Variants in SETBP1 observed in about 807,000 individuals in gnomAD.
SETBP1 encodes the protein SET binding protein 1, also known as SET-binding protein.
A neutral mutation model predicts 101.0 loss-of-function variants in SETBP1; 9 were observed. The ratio of observed to expected loss-of-function variants is 0.09; its 90% CI spans 0.05 to 0.16. The LOEUF is 0.16. Among genes scored for constraint, SETBP1 ranks in the 10% least tolerant of loss-of-function variants. The pLI is 1.00. For synonymous variants in SETBP1, 818 were observed against 788.5 expected (o/e 1.04, Z -0.63); for missense variants, 1,858 against 2,033.8 (o/e 0.91, Z 1.66).
chr18:44,751,398 T>C (rs1487624139), intron 2 of SETBP1, among the ~76,000 whole-genome samples: 3 of 152,212 alleles, frequency 2.0e-5, no homozygotes, highest in Non-Finnish European at 4.4e-5. Context: ...TGAGAGAGGT[T>C]ATCAGATCAG....
intron 2 of SETBP1, among the ~76,000 whole-genome samples, chr18:44,842,945 T>TG (rs533879723): frequency 1.3e-3 from 199 of 152,244 alleles, no homozygotes; most frequent in Non-Finnish European, 1.7e-3. Context: ...GGCAGAGCCA[T>TG]GGGGGGACTC....
intron 2 of SETBP1, among the ~76,000 whole-genome samples, chr18:44,805,423 T>G (rs2071708535): frequency 6.6e-6 from 1 of 151,820 alleles, no homozygotes; most frequent in Admixed American, 6.6e-5. Flanking sequence ...TGTGTGTGTG[T>G]GTGTGTGTGT....
chr18:44,979,822 T>G (rs565303775), intron 4 of SETBP1, among the ~76,000 whole-genome samples: 1 of 152,378 alleles, frequency 6.6e-6, no homozygotes, highest in East Asian at 1.9e-4. Context: ...TTGCACATAT[T>G]GGCTCACAGA....
At chr18:45,031,195 C>T (rs906875388) in intron 4 of SETBP1, among the ~76,000 whole-genome samples, 2 of 152,104 alleles carry the variant, frequency 1.3e-5, no homozygotes, top group Admixed American at 6.6e-5. Context: ...TGCGTTCTTT[C>T]ATTTGAATGG....
intron 3 of SETBP1, among the ~76,000 whole-genome samples, chr18:44,907,569 C>T (rs562377685): frequency 1.7e-4 from 26 of 152,276 alleles, no homozygotes; most frequent in Non-Finnish European, 3.5e-4. Flanking sequence ...GAAGTGGCAT[C>T]GCATTGTGAT....
intron 4 of SETBP1, among the ~76,000 whole-genome samples, chr18:44,993,320 G>A (rs961219024): frequency 6.6e-6 from 1 of 151,860 alleles, no homozygotes; most frequent in East Asian, 1.9e-4. Context: ...GCTAAGGAAA[G>A]TAAAACAAAT....
At chr18:44,772,683 C>A (rs2078117336) in intron 2 of SETBP1, among the ~76,000 whole-genome samples, 1 of 152,324 alleles carries the variant, frequency 6.6e-6, no homozygotes, top group Admixed American at 6.5e-5. Flanking sequence ...TGGTTTGAAT[C>A]CAGCTCCACT....
chr18:44,877,058 C>G, intron 3 of SETBP1: 2 of 1,072,852 alleles, frequency 1.9e-6, no homozygotes. Context: ...CATGCCTTTA[C>G]TCTCTAGGCC....
intron 4 of SETBP1, among the ~76,000 whole-genome samples, chr18:44,957,330 G>A (rs1029839031): frequency 9.9e-5 from 15 of 151,830 alleles, no homozygotes; most frequent in Admixed American, 6.6e-5. Context: ...CTAAACTTAT[G>A]CCAGATACTG....
chr18:45,045,096 A>G (rs1278400232), intron 5 of SETBP1, among the ~76,000 whole-genome samples: 2 of 152,024 alleles, frequency 1.3e-5, no homozygotes, highest in Admixed American at 1.3e-4. Flanking sequence ...AGCCTGGCCA[A>G]CGTGGTGAAA....
At chr18:44,854,665 C>T (rs1367270243) in intron 2 of SETBP1, among the ~76,000 whole-genome samples, 1 of 152,228 alleles carries the variant, frequency 6.6e-6, no homozygotes, top group Non-Finnish European at 1.5e-5. Context: ...TCACTCCTGT[C>T]TTAACCTCTC....
At chr18:44,814,621 A>G (rs2071937772) in intron 2 of SETBP1, among the ~76,000 whole-genome samples, 1 of 152,234 alleles carries the variant, frequency 6.6e-6, no homozygotes, top group Admixed American at 6.5e-5. Context: ...ACCCCACATG[A>G]CAAGGACAAG....
chr18:44,821,199 G>A (rs936580595), intron 2 of SETBP1, among the ~76,000 whole-genome samples: 7 of 152,320 alleles, frequency 4.6e-5, no homozygotes, highest in East Asian at 1.9e-4. Flanking sequence ...AAATCAGGAC[G>A]TTAACTCCTT....
intron 4 of SETBP1, among the ~76,000 whole-genome samples, chr18:45,033,679 C>G (rs759377499): frequency 6.6e-6 from 1 of 152,214 alleles, no homozygotes; most frequent in Non-Finnish European, 1.5e-5. Flanking sequence ...TTCAACAAGC[C>G]TATATTAATC....
At chr18:45,017,057 T>C (rs547590311) in intron 4 of SETBP1, among the ~76,000 whole-genome samples, 77 of 152,162 alleles carry the variant, frequency 5.1e-4, no homozygotes, top group Non-Finnish European at 8.7e-4. Context: ...AAATGGTCAC[T>C]AGACCGGGCC....
intron 3 of SETBP1, among the ~76,000 whole-genome samples, chr18:44,927,152 C>T (rs2070723882): frequency 6.6e-6 from 1 of 152,156 alleles, no homozygotes; most frequent in Non-Finnish European, 1.5e-5. Flanking sequence ...TCCTTCACAA[C>T]TAAGATTTCA....
In SETBP1 at chr18:45,063,307, A is replaced by G; in HGVS notation, c.4400A>G (p.Asp1467Gly). 2 of 1,604,282 alleles carry G rather than the reference A, an allele frequency of 1.2e-6. No individual in the cohort carries two copies. The highest frequency in any genetic ancestry group is 1.7e-6 in the Non-Finnish European group (2 of 1,175,278). The change falls in exon 6 of 6, where the codon GAC becomes GGC. Residue 1467 changes from aspartate (D) to glycine (G), a missense_variant. Asp to Gly is a moderately conservative substitution (Grantham distance 94). Around this residue, in one of 12 missense-constraint regions of SETBP1, gnomAD observed 178 missense variants for 189.1 expected, o/e 0.94. Coordinates refer to ENST00000649279, the MANE Select transcript of SETBP1 (RefSeq NM_015559.3). ...AAGCAGCCCACCCAGTTCGATGAGGACTCCAGAGACCAAATGCCGGTGCTG... is the reference window on the plus strand; with the variant it reads ...AAGCAGCCCACCCAGTTCGATGAGGGCTCCAGAGACCAAATGCCGGTGCTG... ...PRKQPTQFDEDSRDQMPVLEK... is the reference protein window; with the variant it reads ...PRKQPTQFDEGSRDQMPVLEK...
chr18:45,062,967 T>G, intron 5 of SETBP1, 112 bp from the exon 6 acceptor site: 1 of 1,423,826 alleles, frequency 7.0e-7, no homozygotes, highest in Non-Finnish European at 9.7e-7. Context: ...ACCCATAGCA[T>G]TAATTCTCTA....
chr18:44,794,690 T>C (rs895404553), intron 2 of SETBP1, among the ~76,000 whole-genome samples: 4 of 152,162 alleles, frequency 2.6e-5, no homozygotes, highest in Non-Finnish European at 5.9e-5. Flanking sequence ...TATCACCTCA[T>C]TGTCTAAAGT....
Sources: gnomAD v4.1 joint callset for allele counts (sites outside exome capture counted in the v4.1 genomes callset) on GRCh38, gnomAD v4.1.1 for gene constraint, gnomAD v4.1.1 regional missense constraint, MANE v1.5 for transcripts, NCBI Gene and HGNC (gene_info 2026-07-23, HGNC 2026-07-21) for gene names.